PSD3: variants seen among roughly 807,000 people sequenced by gnomAD.
The protein encoded by PSD3 is pleckstrin and Sec7 domain containing 3.
A neutral mutation model predicts 105.5 loss-of-function variants in PSD3; 49 were observed. The observed-to-expected ratio is 0.46, with a 90% CI of 0.37 to 0.59. PSD3 has a LOEUF of 0.59. Among genes scored for constraint, PSD3 ranks in the 20% least tolerant of loss-of-function variants. The pLI is 0.00. For missense variants in PSD3, 1,561 were observed against 1,263.8 expected (o/e 1.24, Z -3.57); for synonymous variants, 557 against 457.8 (o/e 1.22, Z -2.77).
chr8:18,649,758 G>T (rs995446838), intron 10 of PSD3, among the ~76,000 whole-genome samples: 1 of 152,330 alleles, frequency 6.6e-6, no homozygotes, highest in African/African-American at 2.4e-5. Context: ...GATCATGGGG[G>T]AAGATTTCCC....
chr8:18,873,267 G>C (rs1817511352), intron 2 of PSD3, among the ~76,000 whole-genome samples: 1 of 152,100 alleles, frequency 6.6e-6, no homozygotes, highest in Non-Finnish European at 1.5e-5. Flanking sequence ...TTGGGTTTCT[G>C]TGGAGGGAAA....
intron 4 of PSD3, among the ~76,000 whole-genome samples, chr8:18,852,165 AG>A (rs1405341446): frequency 6.6e-6 from 1 of 152,174 alleles, no homozygotes; most frequent in Non-Finnish European, 1.5e-5. Flanking sequence ...GAAAAAAAAA[AG>A]TCTTTAGTAC....
intron 9 of PSD3, among the ~76,000 whole-genome samples, chr8:18,703,371 T>C (rs546165573): frequency 8.5e-5 from 13 of 152,300 alleles, no homozygotes; most frequent in African/African-American, 3.1e-4. Flanking sequence ...CTTAAAGGTA[T>C]GAAAAGGTGC....
chr8:18,539,616 C>T (rs994948895), intron 15 of PSD3, among the ~76,000 whole-genome samples: 2 of 148,296 alleles, frequency 1.3e-5, no homozygotes, highest in African/African-American at 2.5e-5. Flanking sequence ...GGCGCGATCT[C>T]GGCTCACTGC....
chr8:18,995,246 G>C (rs1196052026), intron 1 of PSD3, among the ~76,000 whole-genome samples: 2 of 152,116 alleles, frequency 1.3e-5, no homozygotes, highest in South Asian at 2.1e-4. Flanking sequence ...CTTGGGATGT[G>C]AATGAGACCC....
chr8:18,799,388 C>A lies in PSD3; in HGVS notation c.2024-35G>T, dbSNP rs1339848149. 8 of 1,513,472 alleles carry A rather than the reference C, an allele frequency of 5.3e-6. No homozygotes were observed. The South Asian group carries it at 5.6e-5, about 11-fold the overall frequency. 93.8% of individuals were successfully genotyped at this position (1,513,472 alleles called of 1,614,324 possible). On this transcript the variant is annotated intron_variant, in intron 7 of 15. Transcript: ENST00000327040. ...GATACAAGAAAAAAAAGCATGAATTCGCTTTTCACTGTTGGACTCCACCTT... is the reference window on the plus strand; with the variant it reads ...GATACAAGAAAAAAAAGCATGAATTAGCTTTTCACTGTTGGACTCCACCTT...
intron 1 of PSD3, among the ~76,000 whole-genome samples, chr8:19,082,941 G>A (rs76479151): frequency 0.056 from 8,543 of 152,284 alleles, 335 homozygotes; most frequent in Middle Eastern, 0.11. Flanking sequence ...TTTCTTAACT[G>A]TGGCTACGCA....
chr8:19,058,641 T>C (rs1481050577), intron 1 of PSD3, among the ~76,000 whole-genome samples: 1 of 152,170 alleles, frequency 6.6e-6, no homozygotes, highest in African/African-American at 2.4e-5. Flanking sequence ...AAATTCTACC[T>C]GTATCTCTTC....
intron 1 of PSD3, among the ~76,000 whole-genome samples, chr8:18,995,142 A>G (rs1032916506): frequency 6.6e-6 from 1 of 152,172 alleles, no homozygotes; most frequent in African/African-American, 2.4e-5. Flanking sequence ...CAGAGAATTT[A>G]AAAGCTGACA....
chr8:18,790,506 G>A (rs879617474), intron 8 of PSD3, among the ~76,000 whole-genome samples: 2 of 151,882 alleles, frequency 1.3e-5, no homozygotes, highest in African/African-American at 2.4e-5. Flanking sequence ...GTTTCACCAT[G>A]TTAGCCAGGA....
chr8:18,858,653 G>A (rs549723122), intron 4 of PSD3, among the ~76,000 whole-genome samples: 1 of 152,090 alleles, frequency 6.6e-6, no homozygotes, highest in African/African-American at 2.4e-5. Flanking sequence ...ATCTCAATGA[G>A]GTTCACAGCA....
At chr8:18,654,078 T>A (rs969453998) in intron 10 of PSD3, among the ~76,000 whole-genome samples, 1 of 152,212 alleles carries the variant, frequency 6.6e-6, no homozygotes, top group Non-Finnish European at 1.5e-5. Flanking sequence ...TCAGTTTTCC[T>A]TGAAATGGCA....
chr8:18,878,929 A>C (rs187993296), intron 2 of PSD3, among the ~76,000 whole-genome samples: 42 of 152,272 alleles, frequency 2.8e-4, no homozygotes, highest in Admixed American at 1.6e-3. Flanking sequence ...ACCAAAACAT[A>C]TAACAGTGAA....
At chr8:18,583,509 A>G (rs1213770280) in intron 12 of PSD3, among the ~76,000 whole-genome samples, 1 of 152,076 alleles carries the variant, frequency 6.6e-6, no homozygotes, top group Non-Finnish European at 1.5e-5. Context: ...TAAAGTCTCA[A>G]CTCTTTAACA....
At chr8:18,904,236 A>C (rs1819693796) in intron 2 of PSD3, among the ~76,000 whole-genome samples, 1 of 152,162 alleles carries the variant, frequency 6.6e-6, no homozygotes, top group African/African-American at 2.4e-5. Flanking sequence ...ATATAAACTA[A>C]CAGAGTGAGA....
intron 10 of PSD3, among the ~76,000 whole-genome samples, chr8:18,649,735 C>T (rs761249019): frequency 4.6e-5 from 7 of 152,146 alleles, no homozygotes; most frequent in East Asian, 1.9e-4. Flanking sequence ...TGGGATCTGG[C>T]GGTAAGTGAT....
intron 12 of PSD3, among the ~76,000 whole-genome samples, chr8:18,576,377 C>G (rs544235515): frequency 6.6e-6 from 1 of 151,726 alleles, no homozygotes; most frequent in Non-Finnish European, 1.5e-5. Context: ...ATTAAGCCTC[C>G]CAGGATAAGA....
chr8:18,910,855 G>T (rs1433944115), intron 2 of PSD3, among the ~76,000 whole-genome samples: 1 of 149,224 alleles, frequency 6.7e-6, no homozygotes, highest in South Asian at 2.1e-4. Context: ...CACAGAAGTC[G>T]AAAAAATAAA....
intron 1 of PSD3, among the ~76,000 whole-genome samples, chr8:19,044,576 G>A (rs1207532379): frequency 5.3e-5 from 8 of 152,160 alleles, no homozygotes; most frequent in African/African-American, 1.9e-4. Context: ...AGTATCTTTT[G>A]TTCTTTTTCA....
Sources: allele counts gnomAD v4.1 joint callset (sites outside exome capture counted in the v4.1 genomes callset), GRCh38; gene constraint gnomAD v4.1.1; transcripts MANE v1.5; gene names NCBI Gene and HGNC (gene_info 2026-07-23, HGNC 2026-07-21).